Variants in ADGRB2 observed in about 807,000 individuals in gnomAD.
ADGRB2 encodes the protein adhesion G protein-coupled receptor B2, also known as brain-specific angiogenesis inhibitor 2.
Under a neutral mutation model 178.7 loss-of-function variants are expected in ADGRB2, and 47 were observed. That is an observed-to-expected ratio of 0.26 (90% CI 0.21 to 0.34). The LOEUF (loss-of-function observed/expected upper bound fraction) is 0.34. Ranked by LOEUF, ADGRB2 falls within the 10% of genes least tolerant of loss-of-function variation. The pLI, the probability that ADGRB2 is intolerant of heterozygous loss-of-function variation, is 1.00. For missense variants in ADGRB2, 1,584 were observed against 2,180.8 expected (o/e 0.73, Z 5.45); for synonymous variants, 870 against 912.4 (o/e 0.95, Z 0.84).
rs1407898233 is a variant in ADGRB2, at chr1:31,740,546, A to G, written c.1795-5T>C. The G allele has an allele frequency of 7.5e-6, 12 of 1,590,930 alleles. No individual in the cohort carries two copies. The highest frequency in any genetic ancestry group is 1.0e-5 in the Non-Finnish European group (12 of 1,167,706). ...CTTGGCCAGGTGCTCCCTAAGCTGT[A>G]GGTGATGAGGGGGCCACAGTCACTG... is the stretch of plus-strand genomic sequence containing the variant. On this transcript the variant is annotated splice_region_variant and splice_polypyrimidine_tract_variant and intron_variant, in intron 11 of 32. Transcript: ENST00000373658. This position sits in a 1 kb window ranked among gnomAD's most constrained non-coding sequence, Gnocchi z 5.9.
At chr1:31,729,375 C>T (rs527586275) in intron 29 of ADGRB2, among the ~76,000 whole-genome samples, 38 of 152,144 alleles carry the variant, frequency 2.5e-4, no homozygotes, top group Admixed American at 7.9e-4. Flanking sequence ...GCATGCTCAC[C>T]ACCATGGGCC....
chr1:31,748,116 C>G (rs1475157036), intron 4 of ADGRB2, among the ~76,000 whole-genome samples: 1 of 152,190 alleles, frequency 6.6e-6, no homozygotes. Flanking sequence ...TCCTGTGGTC[C>G]CTGCTCCTCT....
At chr1:31,763,629 G>A (rs1042627470) in intron 1 of ADGRB2, among the ~76,000 whole-genome samples, 2 of 146,126 alleles carry the variant, frequency 1.4e-5, no homozygotes, top group African/African-American at 2.5e-5. Context: ...GGGTAAGAGG[G>A]TCGGTCCAGG....
At chr1:31,738,014 C>A (rs1156720886) in intron 18 of ADGRB2, among the ~76,000 whole-genome samples, 186 bp downstream of exon 18, 2 of 152,120 alleles carry the variant, frequency 1.3e-5, no homozygotes, top group East Asian at 1.9e-4. Flanking sequence ...CTGCCGCATA[C>A]CCCCAGGCAA....
rs759555540 is a variant in ADGRB2, at chr1:31,735,380, A to G, written c.3354-99T>C. ...CGAGTGGGGTGGGAGGGGAGGGCAGACGAGAGAGAGAGAGCTGGGTTAGGG... is the reference window on the plus strand; with the variant it reads ...CGAGTGGGGTGGGAGGGGAGGGCAGGCGAGAGAGAGAGAGCTGGGTTAGGG... On this transcript the variant is annotated intron_variant, in intron 24 of 32. Transcript: ENST00000373658. This position sits in a 1 kb window ranked among gnomAD's most constrained non-coding sequence, Gnocchi z 6.0. The G allele has an allele frequency of 1.4e-5, 16 of 1,150,520 alleles. No individual in the cohort carries two copies. Among genetic ancestry groups the G allele is most frequent in the African/African-American group, 3.1e-5 (2 of 65,044 alleles). The allele number at this position is 1,150,520 out of a possible 1,614,324, so 71.3% of individuals were successfully genotyped here. A position where few individuals can be genotyped will look rare whatever the true frequency, so the allele number is the denominator to read the frequency against.
Position 31,737,671 on chromosome 1 carries a change from T to C in ADGRB2, c.2857A>G (p.Ile953Val), listed in dbSNP as rs1331726003. The C allele has an allele frequency of 1.2e-6, 2 of 1,613,714 alleles. No individual in the cohort carries two copies. The highest frequency in any genetic ancestry group is 8.5e-7 in the Non-Finnish European group (1 of 1,179,890). The stretch of plus-strand genomic sequence containing the variant: ...ACCTACCTCCAAAAGGCGGCATAGA[T>C]GGCGAGCAGGGTGAGCAGCGCCATG... Reference protein sequence around the residue: ...SCMALLTLLAIYAAFWRFIKS... With the variant: ...SCMALLTLLAVYAAFWRFIKS... Residue 953 changes from isoleucine (I) to valine (V), a missense_variant, in exon 19 of 33, where the codon ATC (isoleucine) becomes GTC (valine). Coordinates refer to ENST00000373658, the MANE Select transcript of ADGRB2 (RefSeq NM_001364857.2).
intron 4 of ADGRB2, among the ~76,000 whole-genome samples, chr1:31,749,625 G>A (rs1490612502): frequency 1.3e-5 from 2 of 152,218 alleles, no homozygotes; most frequent in Admixed American, 6.5e-5. Flanking sequence ...ATGAAAAGGA[G>A]ATGTCAGCTG....
In ADGRB2 at chr1:31,761,090, T is replaced by C. The variant is rs1438503456; in HGVS notation, c.-191+2794A>G. The C allele has an allele frequency of 1.3e-5, 2 of 152,176 alleles. No homozygotes were observed. The highest frequency in any genetic ancestry group is 4.8e-5 in the African/African-American group (2 of 41,436). 9.4% of individuals were successfully genotyped at this position (152,176 alleles called of 1,614,324 possible). On this transcript the variant is annotated intron_variant, in intron 1 of 32. Coordinates refer to ENST00000373658, the MANE Select transcript of ADGRB2 (RefSeq NM_001364857.2). This position sits in a 1 kb window ranked among gnomAD's most constrained non-coding sequence, Gnocchi z 4.2. The stretch of plus-strand genomic sequence containing the variant: ...GCCCTCCGCCCGCCTCCCCGGAACT[T>C]TGCAGCAGCTGGAGCCGCCGTTGCT...
rs758504679 is a variant in ADGRB2 at position 31,728,572 on chromosome 1, C to T, written c.4416+26G>A. On this transcript the variant is annotated intron_variant, in intron 30 of 32. Coordinates refer to ENST00000373658, the MANE Select transcript of ADGRB2 (RefSeq NM_001364857.2). This position sits in a 1 kb window ranked among gnomAD's most constrained non-coding sequence, Gnocchi z 6.7. ...ACAGACACCACAGCCAGATGTCCCACCGCCCAGCACACACATGGCCCTTAC... is the reference window on the plus strand; with the variant it reads ...ACAGACACCACAGCCAGATGTCCCATCGCCCAGCACACACATGGCCCTTAC... 6.2e-7 allele frequency: 1 copy of T among 1,614,086 alleles called. No individual in the cohort carries two copies. Among genetic ancestry groups the T allele is most frequent in the South Asian group, 1.1e-5 (1 of 91,086 alleles).
At position 31,753,814 on chromosome 1, in the gene ADGRB2, G is replaced by T. The variant is rs907946291; in HGVS notation, c.838+2185C>A. On this transcript the variant is annotated intron_variant, in intron 4 of 32. Coordinates refer to ENST00000373658, the MANE Select transcript of ADGRB2 (RefSeq NM_001364857.2). The surrounding 1 kb of genome is among the most constrained non-coding windows in gnomAD (Gnocchi z 4.1). ...CTCACACCAGAAAGGTTGGGCAGGA[G>T]GGAGGGGATGGCAGAATAGAAGAGC... Among the ~76,000 whole-genome samples the T allele has an allele frequency of 6.6e-6, 1 of 152,192 alleles. No individual in the cohort carries two copies. Among genetic ancestry groups the T allele is most frequent in the Non-Finnish European group, 1.5e-5 (1 of 68,030 alleles).
chr1:31,750,425 G>A (rs998277403), intron 4 of ADGRB2, among the ~76,000 whole-genome samples: 2 of 152,100 alleles, frequency 1.3e-5, no homozygotes, highest in East Asian at 3.8e-4. Context: ...GCCAGCAGGC[G>A]GGGTGAGCAC....
chr1:31,731,545 G>C, intron 28 of ADGRB2, 126 bp from the exon 29 acceptor site: 1 of 1,202,532 alleles, frequency 8.3e-7, no homozygotes, highest in South Asian at 1.7e-5. Context: ...GTCCTGGAGA[G>C]ATGGCTGGGT....
In ADGRB2 at chr1:31,732,617, G is replaced by A; in HGVS notation, c.3625-5C>T. ...GCACTTCACCACATCCTGGACCTGG[G>A]GACAGAGGGCGCCTGCTGGGCCTGA... On this transcript the variant is annotated splice_polypyrimidine_tract_variant and splice_region_variant and intron_variant, in intron 26 of 32. Transcript: ENST00000373658. 1 of 1,613,690 alleles carries A rather than the reference G, an allele frequency of 6.2e-7. No homozygotes were observed. The highest frequency in any genetic ancestry group is 8.5e-7 in the Non-Finnish European group (1 of 1,179,874).
At position 31,731,159 on chromosome 1, in the gene ADGRB2, G is replaced by A. The variant is rs1337561102; in HGVS notation, c.4021C>T (p.Arg1341Trp). 1 of 1,597,170 alleles carries A rather than the reference G, an allele frequency of 6.3e-7. No homozygotes were observed. Reference protein sequence around the residue: ...GLRQLDLTWLRPTEPGSEGDY... With the variant: ...GLRQLDLTWLWPTEPGSEGDY... ...CCCTCAGAGCCTGGCTCAGTGGGCC[G>A]CAGCCATGTGAGGTCCAGCTGCCGC... The change falls in exon 29 of 33, where the codon CGG becomes TGG. Residue 1341 changes from arginine (R) to tryptophan (W), a missense_variant. Around this residue, in one of 3 missense-constraint regions of ADGRB2, gnomAD observed 865 missense variants for 1,192.8 expected, o/e 0.73. Transcript: ENST00000373658.
rs938049219 is a variant in ADGRB2 at position 31,739,576 on chromosome 1, G to A, written c.2227C>T (p.Arg743Trp). 2.5e-6 allele frequency: 4 copies of A among 1,611,040 alleles called. No individual in the cohort carries two copies. Among genetic ancestry groups the A allele is most frequent in the Non-Finnish European group, 3.4e-6 (4 of 1,178,804 alleles). ...CAGTCCTTCATGCCCCGGCGGCCCC[G>A]CATGGGGAACGTGATGTCACTGGAC... ...AVSSDITFPM[R>W]GRRGMKDWVR... The change falls in exon 15 of 33, where the codon CGG becomes TGG. Residue 743 changes from arginine (R) to tryptophan (W), a missense_variant. Arg to Trp is a moderately radical substitution (Grantham distance 101, BLOSUM62 -3). Transcript: ENST00000373658.
Position 31,738,304 on chromosome 1 carries a change from C to T in ADGRB2, c.2668G>A (p.Asp890Asn). 1 of 1,613,902 alleles carries T rather than the reference C, an allele frequency of 6.2e-7. No homozygotes were observed. ...SRADASSGDW[D>N]TENCQTLETQ... The stretch of plus-strand genomic sequence containing the variant: ...TCCAGGGTCTGGCAATTTTCAGTGT[C>T]CCAGTCTCCTGAGCTGGCATCTCTT... Residue 890 changes from aspartate (D) to asparagine (N), a missense_variant, in exon 18 of 33, where the codon GAC becomes AAC. This residue lies in a region of ADGRB2 where 865 missense variants were observed against 1,192.8 expected (regional missense o/e 0.73). Coordinates refer to ENST00000373658, the MANE Select transcript of ADGRB2 (RefSeq NM_001364857.2).
In ADGRB2 at chr1:31,731,110, C is replaced by T. The variant is rs780752747; in HGVS notation, c.4070G>A (p.Arg1357Gln). The stretch of plus-strand genomic sequence containing the variant: ...ACCGCCAGGCTGCAGGCTCAAAGTC[C>T]GCCGGGGCAGCACCATGTAGTCTCC... ...SEGDYMVLPR[R>Q]TLSLQPGGGG... Residue 1357 changes from arginine to glutamine, a missense_variant, in exon 29 of 33, where the codon CGG becomes CAG. By Grantham distance (43) the Arg-to-Gln change is conservative (BLOSUM62 1). Around this residue, in one of 3 missense-constraint regions of ADGRB2, gnomAD observed 865 missense variants for 1,192.8 expected, o/e 0.73. Coordinates refer to ENST00000373658, the MANE Select transcript of ADGRB2 (RefSeq NM_001364857.2). The T allele has an allele frequency of 1.7e-5, 27 of 1,581,078 alleles. No homozygotes were observed. Among genetic ancestry groups the T allele is most frequent in the Non-Finnish European group, 2.2e-5 (26 of 1,164,150 alleles).
At position 31,742,080 on chromosome 1, in the gene ADGRB2, G is replaced by A. The variant is rs773281089; in HGVS notation, c.1390C>T (p.Arg464Trp). ...GGGCACTCGAGGTTGCTGCACTCCC[G>A]GGTGTCAGTGAGGGCACCCGTGCAT... is the stretch of plus-strand genomic sequence containing the variant. ...ATCTGALTDT[R>W]ECSNLECPAT... Residue 464 changes from arginine (R) to tryptophan (W), a missense_variant, in exon 8 of 33, where the codon CGG becomes TGG. By Grantham distance (101) the Arg-to-Trp change is moderately radical (BLOSUM62 -3). This residue lies in a region of ADGRB2 where 657 missense variants were observed against 847.6 expected (regional missense o/e 0.78). Coordinates refer to ENST00000373658, the MANE Select transcript of ADGRB2 (RefSeq NM_001364857.2). 5.0e-6 allele frequency: 8 copies of A among 1,611,980 alleles called. No individual in the cohort carries two copies. The highest frequency in any genetic ancestry group is 1.3e-5 in the African/African-American group (1 of 74,910).
intron 1 of ADGRB2, 43 bp from the exon 2 acceptor site, chr1:31,757,554 G>A: frequency 3.2e-6 from 1 of 316,292 alleles, no homozygotes; most frequent in Non-Finnish European, 5.9e-6. Context: ...AGGGGACATT[G>A]GGCTTGAGCC....
Sources: allele counts gnomAD v4.1 joint callset (sites outside exome capture counted in the v4.1 genomes callset), GRCh38; gene constraint gnomAD v4.1.1; regional missense constraint gnomAD v4.1.1; non-coding constraint Gnocchi (gnomAD v3.1); transcripts MANE v1.5; gene names NCBI Gene and HGNC (gene_info 2026-07-23, HGNC 2026-07-21).